Variants in RGS7 observed in about 807,000 individuals in gnomAD.
RGS7 encodes the protein regulator of G protein signaling 7.
In RGS7, 27 loss-of-function variants were observed where a neutral mutation model predicts 81.1. The observed-to-expected ratio is 0.33, with a 90% CI of 0.25 to 0.46. RGS7 has a LOEUF of 0.46. Ranked by LOEUF, RGS7 falls within the 20% of genes least tolerant of loss-of-function variation. The pLI, the probability that RGS7 is intolerant of heterozygous loss-of-function variation, is 1.00. For missense variants in RGS7, 396 were observed against 607.4 expected (o/e 0.65, Z 3.66); for synonymous variants, 208 against 207.7 (o/e 1.00, Z -0.01).
At chr1:241,214,532 C>T (rs553776910) in intron 2 of RGS7, among the ~76,000 whole-genome samples, 26 of 151,816 alleles carry the variant, frequency 1.7e-4, no homozygotes, top group African/African-American at 5.8e-4. Context: ...AATCTGTGGG[C>T]GACTGTTTTA....
At chr1:240,814,214 G>A (rs951012298) in intron 12 of RGS7, among the ~76,000 whole-genome samples, 80 of 152,320 alleles carry the variant, frequency 5.3e-4, no homozygotes, top group Middle Eastern at 6.8e-3. Flanking sequence ...AGTTGGGGAG[G>A]TAGGATTTGG....
At chr1:241,139,472 T>G (rs2067767869) in intron 2 of RGS7, among the ~76,000 whole-genome samples, 1 of 152,214 alleles carries the variant, frequency 6.6e-6, no homozygotes, top group Non-Finnish European at 1.5e-5. Context: ...GTGCTATTCT[T>G]TGGATAGAAA....
chr1:240,882,408 T>A (rs1558406079), intron 6 of RGS7, among the ~76,000 whole-genome samples: 2 of 152,224 alleles, frequency 1.3e-5, no homozygotes, highest in Admixed American at 1.3e-4. Context: ...TTCTGCTCTA[T>A]CATAAGGCGG....
chr1:241,121,073 C>T (rs2066225600), intron 2 of RGS7, among the ~76,000 whole-genome samples: 1 of 152,170 alleles, frequency 6.6e-6, no homozygotes, highest in African/African-American at 2.4e-5. Context: ...TCACTTACTC[C>T]TTACTCCATT....
intron 3 of RGS7, among the ~76,000 whole-genome samples, chr1:241,042,955 C>CA (rs1322600643): frequency 0.015 from 1,212 of 79,920 alleles, 9 homozygotes; most frequent in African/African-American, 0.037. Flanking sequence ...TACTCCGTCT[C>CA]AAAAAAAAAA....
At chr1:241,124,923 G>A (rs1456745595) in intron 2 of RGS7, among the ~76,000 whole-genome samples, 2 of 152,202 alleles carry the variant, frequency 1.3e-5, no homozygotes, top group African/African-American at 4.8e-5. Flanking sequence ...GAAGAAACTT[G>A]GTTATATACA....
chr1:240,951,461 A>G (rs1331166499), intron 4 of RGS7, among the ~76,000 whole-genome samples: 1 of 152,232 alleles, frequency 6.6e-6, no homozygotes, highest in African/African-American at 2.4e-5. Flanking sequence ...AGAAAGAATC[A>G]AAATGAAATG....
At position 241,110,516 on chromosome 1, in the gene RGS7, G is replaced by C. The variant is rs1231800233; in HGVS notation, c.79-11754C>G. 2.6e-5 allele frequency among the ~76,000 whole-genome samples: 4 copies of C among 152,190 alleles called. No homozygotes were observed. In the East Asian group the frequency reaches 7.7e-4, roughly 29 times the overall value. On this transcript the variant is annotated intron_variant, in intron 2 of 18. Coordinates refer to ENST00000440928, the MANE Select transcript of RGS7 (RefSeq NM_001364886.1). ...AAGACAACCATTGATTTGGATGAGT[G>C]AAAAAGGCAGAGAATGCAGAAGATG...
intron 2 of RGS7, among the ~76,000 whole-genome samples, chr1:241,208,079 T>C (rs2074026237): frequency 6.6e-6 from 1 of 152,106 alleles, no homozygotes; most frequent in African/African-American, 2.4e-5. Flanking sequence ...CTAATTTTTG[T>C]AGTTTTAGTA....
chr1:241,322,511 A>G (rs1424078985), intron 2 of RGS7, among the ~76,000 whole-genome samples: 1 of 152,238 alleles, frequency 6.6e-6, no homozygotes, highest in Non-Finnish European at 1.5e-5. Context: ...ATAAAGAAAG[A>G]GTATTAAAAA....
intron 3 of RGS7, among the ~76,000 whole-genome samples, chr1:241,019,519 G>A (rs976524825): frequency 1.1e-4 from 17 of 149,020 alleles, no homozygotes; most frequent in African/African-American, 3.7e-4. Context: ...TCCCCACCCC[G>A]CAACAGGCCC....
intron 2 of RGS7, among the ~76,000 whole-genome samples, chr1:241,208,658 C>T (rs900633948): frequency 6.6e-6 from 1 of 152,136 alleles, no homozygotes; most frequent in Non-Finnish European, 1.5e-5. Flanking sequence ...GTCCCCCTCC[C>T]CATCTTCATG....
intron 4 of RGS7, among the ~76,000 whole-genome samples, chr1:240,955,751 C>T (rs1405755440): frequency 6.6e-6 from 1 of 152,054 alleles, no homozygotes; most frequent in African/African-American, 2.4e-5. Flanking sequence ...AGAAACAATT[C>T]AGTAGAAAAA....
intron 3 of RGS7, among the ~76,000 whole-genome samples, chr1:241,041,188 C>T (rs745556391): frequency 5.9e-5 from 9 of 152,012 alleles, no homozygotes; most frequent in East Asian, 1.9e-4. Flanking sequence ...TATTGATAAG[C>T]GGCTTATTAT....
At chr1:241,287,742 C>A (rs1112051) in intron 2 of RGS7, among the ~76,000 whole-genome samples, 77,076 of 151,552 alleles carry the variant, frequency 0.51, 20,888 homozygotes, top group East Asian at 0.68. Flanking sequence ...CATTCAAACA[C>A]ACACATACAC....
chr1:240,927,641 G>A (rs569272254), intron 6 of RGS7, among the ~76,000 whole-genome samples: 1 of 152,142 alleles, frequency 6.6e-6, no homozygotes, highest in Non-Finnish European at 1.5e-5. Context: ...ATTGCCTGCA[G>A]GTACAGACAC....
intron 2 of RGS7, among the ~76,000 whole-genome samples, chr1:241,099,785 G>A (rs1050144579): frequency 6.6e-6 from 1 of 152,016 alleles, no homozygotes; most frequent in Non-Finnish European, 1.5e-5. Flanking sequence ...CATATGACTG[G>A]GCACCGTGGA....
Position 240,789,434 on chromosome 1 carries a change from C to T in RGS7, c.*6+11207G>A, listed in dbSNP as rs149136885. Among the ~76,000 whole-genome samples the T allele has an allele frequency of 8.3e-3, 1,262 of 152,316 alleles. 12 individuals carry two copies. Among genetic ancestry groups the T allele is most frequent in the Middle Eastern group, 0.037 (11 of 294 alleles). On this transcript the variant is annotated intron_variant, in intron 18 of 18. Transcript: ENST00000440928. The stretch of plus-strand genomic sequence containing the variant: ...GAGAGATCACCTTAAACTCTGACTG[C>T]TGGTGAGCCAGGCAGAACAGAGCCA...
intron 6 of RGS7, among the ~76,000 whole-genome samples, chr1:240,925,838 A>G (rs1000230689): frequency 3.9e-5 from 6 of 152,282 alleles, no homozygotes; most frequent in African/African-American, 1.2e-4. Context: ...GTGAGATCGT[A>G]TATCATTGTG....
Sources: allele counts gnomAD v4.1 joint callset (sites outside exome capture counted in the v4.1 genomes callset), GRCh38; gene constraint gnomAD v4.1.1; transcripts MANE v1.5; gene names NCBI Gene and HGNC (gene_info 2026-07-23, HGNC 2026-07-21).